Variants in ZBTB24 observed in about 807,000 individuals in gnomAD.
ZBTB24 encodes zinc finger and BTB domain-containing protein 24.
ZBTB24 carries 32 observed loss-of-function variants against 53.8 expected under a neutral mutation model. The ratio of observed to expected loss-of-function variants is 0.60; its 90% CI spans 0.45 to 0.80. ZBTB24 has a LOEUF of 0.80. Ranked by LOEUF, ZBTB24 falls within the 30% of genes least tolerant of loss-of-function variation. The pLI, the probability that ZBTB24 is intolerant of heterozygous loss-of-function variation, is 0.00. For missense variants in ZBTB24, 722 were observed against 837.1 expected (o/e 0.86, Z 1.70); for synonymous variants, 297 against 306.7 (o/e 0.97, Z 0.33).
At chr6:109,480,226 A>G (rs1776372541) in intron 2 of ZBTB24, among the ~76,000 whole-genome samples, 1 of 152,150 alleles carries the variant, frequency 6.6e-6, no homozygotes, top group African/African-American at 2.4e-5. Flanking sequence ...TATACTTAAG[A>G]TTACAATTAA....
At chr6:109,467,858 C>A in intron 5 of ZBTB24, 124 bp from the exon 6 acceptor site, 1 of 1,108,860 alleles carries the variant, frequency 9.0e-7, no homozygotes, top group Non-Finnish European at 1.3e-6. Context: ...CAAAGGCAAT[C>A]CCCTCCGTAA....
chr6:109,465,452 G>C lies in ZBTB24; in HGVS notation c.*399C>G. ...AAAATAGAACAAACCATTCTGCCCA[G>C]TTCAACCAAAATGACTCCCTTTGTC... is the stretch of plus-strand genomic sequence containing the variant. On this transcript the variant is annotated 3_prime_UTR_variant, in exon 7 of 7. Transcript: ENST00000230122. 1 of 601,204 alleles carries C rather than the reference G, an allele frequency of 1.7e-6. No homozygotes were observed. Among genetic ancestry groups the C allele is most frequent in the Non-Finnish European group, 2.9e-6 (1 of 344,334 alleles). The allele number at this position is 601,204 out of a possible 1,614,324, so 37.2% of individuals were successfully genotyped here.
Position 109,465,389 on chromosome 6 carries a change from G to C in ZBTB24, c.*462C>G. The C allele has an allele frequency of 2.0e-6, 1 of 493,014 alleles. No homozygotes were observed. Among genetic ancestry groups the C allele is most frequent in the South Asian group, 2.6e-5 (1 of 38,224 alleles). The allele number at this position is 493,014 out of a possible 1,614,324, so 30.5% of individuals were successfully genotyped here. A position where few individuals can be genotyped will look rare whatever the true frequency, so the allele number is the denominator to read the frequency against. On this transcript the variant is annotated 3_prime_UTR_variant, in exon 7 of 7. Coordinates refer to ENST00000230122, the MANE Select transcript of ZBTB24 (RefSeq NM_014797.3). ...GATCTGTCATATTTAGCCCTGACTT[G>C]TCTTGTGGTAACAACTGTGTTGCCT...
chr6:109,466,323 G>C lies in ZBTB24; in HGVS notation c.1622C>G (p.Pro541Arg). 6.2e-7 allele frequency: 1 copy of C among 1,614,202 alleles called. No homozygotes were observed. The highest frequency in any genetic ancestry group is 8.5e-7 in the Non-Finnish European group (1 of 1,180,038). Residue 541 changes from proline to arginine, a missense_variant, in exon 7 of 7, where the codon CCA becomes CGA. Coordinates refer to ENST00000230122, the MANE Select transcript of ZBTB24 (RefSeq NM_014797.3). ...EEVRNILQLQPYQLSTSGEQE... is the reference protein window; with the variant it reads ...EEVRNILQLQRYQLSTSGEQE... ...CTCTCCCGAGGTAGAGAGTTGATAT[G>C]GCTGTAGCTGAAGAATATTCCTGAC... is the stretch of plus-strand genomic sequence containing the variant.
chr6:109,465,454 T>A lies in ZBTB24; in HGVS notation c.*397A>T. The stretch of plus-strand genomic sequence containing the variant: ...AATAGAACAAACCATTCTGCCCAGT[T>A]CAACCAAAATGACTCCCTTTGTCCT... On this transcript the variant is annotated 3_prime_UTR_variant, in exon 7 of 7. Coordinates refer to ENST00000230122, the MANE Select transcript of ZBTB24 (RefSeq NM_014797.3). 1.7e-6 allele frequency: 1 copy of A among 601,430 alleles called. No individual in the cohort carries two copies. The highest frequency in any genetic ancestry group is 2.9e-6 in the Non-Finnish European group (1 of 344,682). 37.3% of individuals were successfully genotyped at this position (601,430 alleles called of 1,614,324 possible).
At chr6:109,470,691 CTTTG>C (rs1162128289) in intron 5 of ZBTB24, among the ~76,000 whole-genome samples, 3 of 152,312 alleles carry the variant, frequency 2.0e-5, no homozygotes, top group East Asian at 1.9e-4. Context: ...TGGACCACGG[CTTTG>C]TTTTTCTTAA....
intron 5 of ZBTB24, among the ~76,000 whole-genome samples, chr6:109,468,995 A>G (rs1582671268): frequency 6.6e-6 from 1 of 151,992 alleles, no homozygotes; most frequent in Non-Finnish European, 1.5e-5. Flanking sequence ...ACAGCAAAGG[A>G]TAAGTACAAT....
intron 1 of ZBTB24, 101 bp from the exon 2 acceptor site, chr6:109,482,155 T>G (rs980136003): frequency 2.2e-6 from 2 of 893,432 alleles, no homozygotes; most frequent in Non-Finnish European, 3.6e-6. Context: ...TTAACTGAAT[T>G]TTACCATTAC....
chr6:109,479,017 A>G (rs1031698805), intron 2 of ZBTB24, among the ~76,000 whole-genome samples: 2 of 152,224 alleles, frequency 1.3e-5, no homozygotes, highest in African/African-American at 4.8e-5. Flanking sequence ...CTGAAAAACA[A>G]AGTGGAAATC....
intron 5 of ZBTB24, 142 bp from the exon 6 acceptor site, chr6:109,467,876 C>G (rs575829609): frequency 1.1e-6 from 1 of 921,978 alleles, no homozygotes; most frequent in Non-Finnish European, 1.6e-6. Flanking sequence ...TAAGCGTAAA[C>G]GAATGATGCA....
At chr6:109,471,875 G>C (rs1367905717) in intron 5 of ZBTB24, among the ~76,000 whole-genome samples, 2 of 152,176 alleles carry the variant, frequency 1.3e-5, no homozygotes, top group African/African-American at 4.8e-5. Flanking sequence ...CAAGATGTGA[G>C]CAGAAGGGCC....
chr6:109,480,804 A>T, intron 2 of ZBTB24: 4 of 443,338 alleles, frequency 9.0e-6, no homozygotes, highest in Non-Finnish European at 1.2e-5. Flanking sequence ...CAAGTTATTT[A>T]AGCTCCCTAG....
At chr6:109,479,545 A>C (rs1046832393) in intron 2 of ZBTB24, among the ~76,000 whole-genome samples, 6 of 152,244 alleles carry the variant, frequency 3.9e-5, no homozygotes, top group Admixed American at 2.0e-4. Context: ...TGAGGACATA[A>C]GGGAAGAACG....
In ZBTB24 at chr6:109,474,085, C is replaced by CA. The variant is rs56295486; in HGVS notation, c.1288+1313dup. 2.9e-3 allele frequency among the ~76,000 whole-genome samples: 299 copies of CA among 103,382 alleles called. 3 individuals carry two copies. Among genetic ancestry groups the CA allele is most frequent in the Admixed American group, 5.6e-3 (55 of 9,824 alleles). The allele number at this position is 103,382 out of a possible 152,430, so 67.8% of individuals were successfully genotyped here. On this transcript the variant is annotated intron_variant, in intron 5 of 6. Coordinates refer to ENST00000230122, the MANE Select transcript of ZBTB24 (RefSeq NM_014797.3). Reference sequence around the variant, plus strand: ...GCCTGGGCGACAGAGACAGTGACTCCAAAAAAAAAAAAAAAAAAAGTCCAA... The same window carrying CA: ...GCCTGGGCGACAGAGACAGTGACTCCAAAAAAAAAAAAAAAAAAAAGTCCAA...
intron 5 of ZBTB24, among the ~76,000 whole-genome samples, chr6:109,473,573 C>A (rs771556425): frequency 6.6e-6 from 1 of 152,154 alleles, no homozygotes; most frequent in African/African-American, 2.4e-5. Context: ...TATTCTTCAA[C>A]GCACTCACAA....
At chr6:109,474,987 G>A (rs1432895367) in intron 5 of ZBTB24, among the ~76,000 whole-genome samples, 2 of 149,680 alleles carry the variant, frequency 1.3e-5, no homozygotes, top group Non-Finnish European at 3.0e-5. Context: ...AGGCTGTGGT[G>A]AGCTGTGATC....
In ZBTB24 at chr6:109,465,546, C is replaced by T. The variant is rs1478430241; in HGVS notation, c.*305G>A. The stretch of plus-strand genomic sequence containing the variant: ...AACCTATGGCTGTGAACATTTAAAC[C>T]TTACAGAAAAACTGAGATCAATGCC... On this transcript the variant is annotated 3_prime_UTR_variant, in exon 7 of 7. Transcript: ENST00000230122. 2 of 1,134,170 alleles carry T rather than the reference C, an allele frequency of 1.8e-6. No individual in the cohort carries two copies. The highest frequency in any genetic ancestry group is 2.5e-6 in the Non-Finnish European group (2 of 805,006). The allele number at this position is 1,134,170 out of a possible 1,614,324, so 70.3% of individuals were successfully genotyped here. A position where few individuals can be genotyped will look rare whatever the true frequency, so the allele number is the denominator to read the frequency against.
Position 109,481,983 on chromosome 6 carries a change from T to G in ZBTB24, c.44A>C (p.His15Pro). Residue 15 changes from histidine to proline, a missense_variant, in exon 2 of 7, where the codon CAC (histidine) becomes CCC (proline). Transcript: ENST00000230122. ...SPEPSGQLVV[H>P]SDAHSDTVLA... ...CACAGTGTCACTGTGAGCGTCTGAG[T>G]GTACAACAAGCTGCCCAGAAGGCTC... The G allele has an allele frequency of 6.2e-7, 1 of 1,614,184 alleles. No individual in the cohort carries two copies. Among genetic ancestry groups the G allele is most frequent in the Non-Finnish European group, 8.5e-7 (1 of 1,180,038 alleles).
Position 109,462,875 on chromosome 6 carries a change from T to G in ZBTB24, c.*2976A>C, listed in dbSNP as rs1775923370. 1 of 152,232 alleles carries G rather than the reference T, an allele frequency of 6.6e-6. No homozygotes were observed. The highest frequency in any genetic ancestry group is 6.5e-5 in the Admixed American group (1 of 15,284). 9.4% of individuals were successfully genotyped at this position (152,232 alleles called of 1,614,324 possible). On this transcript the variant is annotated 3_prime_UTR_variant, in exon 7 of 7. Transcript: ENST00000230122. ...ATTTCTGTTAAAACAATTTAAAAAA[T>G]GGTACACATTTAGTAGAAAATGAAT...
Sources: gnomAD v4.1 joint callset for allele counts (sites outside exome capture counted in the v4.1 genomes callset) on GRCh38, gnomAD v4.1.1 for gene constraint, MANE v1.5 for transcripts, NCBI Gene and HGNC (gene_info 2026-07-23, HGNC 2026-07-21) for gene names.